Variants in KCNJ6 observed in about 807,000 individuals in gnomAD.
KCNJ6 encodes potassium inwardly rectifying channel subfamily J member 6, also known as G protein-activated inward rectifier potassium channel 2.
In KCNJ6, 9 loss-of-function variants were observed where a neutral mutation model predicts 34.2. The observed-to-expected ratio is 0.26, with a 90% CI of 0.16 to 0.46. KCNJ6 has a LOEUF of 0.46. Ranked by LOEUF, KCNJ6 falls within the 20% of genes least tolerant of loss-of-function variation. KCNJ6 has a pLI of 1.00. For synonymous variants in KCNJ6, 196 were observed against 207.1 expected, an observed-to-expected ratio of 0.95 and a Z score of 0.46; for missense variants, 236 against 531.3, an observed-to-expected ratio of 0.44 and a Z score of 5.46.
intron 2 of KCNJ6, among the ~76,000 whole-genome samples, chr21:37,768,551 T>G (rs888954067): frequency 1.3e-5 from 2 of 152,232 alleles, no homozygotes; most frequent in African/African-American, 4.8e-5. Flanking sequence ...GTGCATAGAT[T>G]CATGAACCCT....
At chr21:37,772,011 T>C (rs2055120053) in intron 2 of KCNJ6, among the ~76,000 whole-genome samples, 1 of 152,196 alleles carries the variant, frequency 6.6e-6, no homozygotes, top group Admixed American at 6.5e-5. Flanking sequence ...GAAAATTGCA[T>C]GAAATACATT....
At chr21:37,791,648 T>C (rs2055217336) in intron 2 of KCNJ6, among the ~76,000 whole-genome samples, 1 of 152,258 alleles carries the variant, frequency 6.6e-6, no homozygotes, top group African/African-American at 2.4e-5. Flanking sequence ...AGAGGTTTTC[T>C]TGACGGGAGA....
At chr21:37,870,738 T>C (rs1461615891) in intron 1 of KCNJ6, among the ~76,000 whole-genome samples, 1 of 152,204 alleles carries the variant, frequency 6.6e-6, no homozygotes, top group African/African-American at 2.4e-5. Context: ...ATGATGTCTA[T>C]AAATTTTTGA....
rs978056536 is a variant in KCNJ6, at chr21:37,679,406, C to T, written c.946+34805G>A. 1.1e-4 allele frequency among the ~76,000 whole-genome samples: 16 copies of T among 152,310 alleles called. 1 individual carries two copies. Among genetic ancestry groups the T allele is most frequent in the Middle Eastern group, 6.8e-3 (2 of 294 alleles). Reference sequence around the variant, plus strand: ...ACTCTCCTGTGCCTCTGTTTCCTTACTCATATAATTAGGGTGGTAATAACA... The same window carrying T: ...ACTCTCCTGTGCCTCTGTTTCCTTATTCATATAATTAGGGTGGTAATAACA... On this transcript the variant is annotated intron_variant, in intron 3 of 3. Coordinates refer to ENST00000609713, the MANE Select transcript of KCNJ6 (RefSeq NM_002240.5).
At chr21:37,704,565 A>G (rs1396999862) in intron 3 of KCNJ6, among the ~76,000 whole-genome samples, 2 of 152,136 alleles carry the variant, frequency 1.3e-5, no homozygotes, top group African/African-American at 4.8e-5. Context: ...TATTTACACT[A>G]TATAAAACAT....
intron 2 of KCNJ6, among the ~76,000 whole-genome samples, chr21:37,809,496 G>A (rs1280929789): frequency 6.6e-6 from 1 of 151,744 alleles, no homozygotes; most frequent in Non-Finnish European, 1.5e-5. Context: ...TGCACATTGT[G>A]CACATGTACC....
At chr21:37,786,551 ACAG>A (rs2055193525) in intron 2 of KCNJ6, among the ~76,000 whole-genome samples, 1 of 152,142 alleles carries the variant, frequency 6.6e-6, no homozygotes, top group Non-Finnish European at 1.5e-5. Flanking sequence ...CAATAGGCCA[ACAG>A]TCATGAGTGC....
intron 2 of KCNJ6, among the ~76,000 whole-genome samples, chr21:37,740,927 A>G (rs183202273): frequency 2.6e-5 from 4 of 152,322 alleles, no homozygotes; most frequent in Admixed American, 6.5e-5. Flanking sequence ...TCTCCTTCTC[A>G]GTGACTTTTC....
At chr21:37,817,833 G>A (rs2055353771) in intron 2 of KCNJ6, among the ~76,000 whole-genome samples, 1 of 152,150 alleles carries the variant, frequency 6.6e-6, no homozygotes, top group African/African-American at 2.4e-5. Context: ...TTTGCCTCAG[G>A]TCTGACCCAC....
intron 2 of KCNJ6, among the ~76,000 whole-genome samples, chr21:37,762,725 G>A (rs2055071936): frequency 6.6e-6 from 1 of 152,152 alleles, no homozygotes; most frequent in Non-Finnish European, 1.5e-5. Flanking sequence ...TGCGCTGTGT[G>A]ATGATTGCTG....
chr21:37,818,764 C>T (rs556489575), intron 2 of KCNJ6, among the ~76,000 whole-genome samples: 1 of 152,200 alleles, frequency 6.6e-6, no homozygotes, highest in African/African-American at 2.4e-5. Context: ...GATTTTTCAC[C>T]TTTCCCTCAT....
chr21:37,629,091 C>T (rs1431965767), intron 3 of KCNJ6, among the ~76,000 whole-genome samples: 1 of 152,032 alleles, frequency 6.6e-6, no homozygotes, highest in African/African-American at 2.4e-5. Context: ...CAGATGAGAA[C>T]AGGTGTGTTC....
Position 37,892,406 on chromosome 21 carries a change from AT to A in KCNJ6, c.-28+23477del, listed in dbSNP as rs558247735. Among the ~76,000 whole-genome samples the A allele has an allele frequency of 2.7e-3, 410 of 152,300 alleles. 1 individual carries two copies. Among genetic ancestry groups the A allele is most frequent in the African/African-American group, 8.9e-3 (369 of 41,576 alleles). Reference sequence around the variant, plus strand: ...TCAAGCATTCAGGAAATTATATGGAATTTCTATGCTCTGACCTCCAGGTTTA... The same window carrying A: ...TCAAGCATTCAGGAAATTATATGGAATTCTATGCTCTGACCTCCAGGTTTA... On this transcript the variant is annotated intron_variant, in intron 1 of 3. Coordinates refer to ENST00000609713, the MANE Select transcript of KCNJ6 (RefSeq NM_002240.5).
At chr21:37,749,148 A>AT (rs1032306191) in intron 2 of KCNJ6, among the ~76,000 whole-genome samples, 6 of 152,146 alleles carry the variant, frequency 3.9e-5, no homozygotes, top group Admixed American at 3.9e-4. Flanking sequence ...GAGCTGGGGC[A>AT]TGGGGTCATT....
At chr21:37,867,297 C>T (rs1425826841) in intron 1 of KCNJ6, among the ~76,000 whole-genome samples, 1 of 152,174 alleles carries the variant, frequency 6.6e-6, no homozygotes, top group Non-Finnish European at 1.5e-5. Flanking sequence ...ACATCAGAGG[C>T]AGCATCGCAC....
intron 1 of KCNJ6, among the ~76,000 whole-genome samples, chr21:37,863,771 G>GA (rs200204517): frequency 0.027 from 3,725 of 136,942 alleles, 80 homozygotes; most frequent in South Asian, 0.083. Flanking sequence ...ACTCTTGTAA[G>GA]AAAAAAAATG....
Position 37,887,646 on chromosome 21 carries a change from T to A in KCNJ6, c.-28+28238A>T, listed in dbSNP as rs184047602. ...GTGTGGTGGTGATTTTAGGGTGGTCTGGGATCCCCTCTCTGATGAGATGAC... is the reference window on the plus strand; with the variant it reads ...GTGTGGTGGTGATTTTAGGGTGGTCAGGGATCCCCTCTCTGATGAGATGAC... On this transcript the variant is annotated intron_variant, in intron 1 of 3. Coordinates refer to ENST00000609713, the MANE Select transcript of KCNJ6 (RefSeq NM_002240.5). 3.3e-3 allele frequency among the ~76,000 whole-genome samples: 497 copies of A among 152,256 alleles called. 2 individuals carry two copies. Among genetic ancestry groups the A allele is most frequent in the Non-Finnish European group, 5.4e-3 (366 of 68,024 alleles).
chr21:37,744,587 G>A (rs2123478546), intron 2 of KCNJ6, among the ~76,000 whole-genome samples: 1 of 152,276 alleles, frequency 6.6e-6, no homozygotes, highest in South Asian at 2.1e-4. Context: ...TTCACTGATG[G>A]TAATAATTCA....
chr21:37,901,788 C>T (rs1226153368), intron 1 of KCNJ6, among the ~76,000 whole-genome samples: 1 of 152,190 alleles, frequency 6.6e-6, no homozygotes, highest in Admixed American at 6.5e-5. Context: ...ATTTATTTCT[C>T]CTTTAAAGTC....
Sources: gnomAD v4.1 joint callset for allele counts (sites outside exome capture counted in the v4.1 genomes callset) on GRCh38, gnomAD v4.1.1 for gene constraint, MANE v1.5 for transcripts, NCBI Gene and HGNC (gene_info 2026-07-23, HGNC 2026-07-21) for gene names.